Variants in DPP10 observed in about 807,000 individuals in gnomAD.
The protein encoded by DPP10 is dipeptidyl peptidase like 10.
A neutral mutation model predicts 120.9 loss-of-function variants in DPP10; 33 were observed. That is an observed-to-expected ratio of 0.27 (90% CI 0.21 to 0.37). The LOEUF (loss-of-function observed/expected upper bound fraction) is 0.37, where lower values mean the gene tolerates loss of function less well. Among genes scored for constraint, DPP10 ranks in the 10% least tolerant of loss-of-function variants. The pLI, the probability that DPP10 is intolerant of heterozygous loss-of-function variation, is 1.00. For missense variants in DPP10, 816 were observed against 942.8 expected, an observed-to-expected ratio of 0.87 and a Z score of 1.76; for synonymous variants, 337 against 326.1, an observed-to-expected ratio of 1.03 and a Z score of -0.36.
In DPP10 at chr2:114,886,307, T is replaced by C. The variant is rs551795556; in HGVS notation, c.61-422932T>C. 2.0e-5 allele frequency among the ~76,000 whole-genome samples: 3 copies of C among 152,314 alleles called. No individual in the cohort carries two copies. The South Asian group carries it at 6.2e-4, about 32-fold the overall frequency. Reference sequence around the variant, plus strand: ...TACATTTCAAGTAAAAAACAGGTCATCCAAAGCATCCTTTATGTCAGACAC... The same window carrying C: ...TACATTTCAAGTAAAAAACAGGTCACCCAAAGCATCCTTTATGTCAGACAC... On this transcript the variant is annotated intron_variant, in intron 1 of 25. Coordinates refer to ENST00000410059, the MANE Select transcript of DPP10 (RefSeq NM_020868.6).
intron 1 of DPP10, among the ~76,000 whole-genome samples, chr2:115,097,695 G>C (rs1231236694): frequency 1.3e-5 from 2 of 152,170 alleles, no homozygotes; most frequent in Non-Finnish European, 2.9e-5. Context: ...CTCTTCCTAG[G>C]ATAGAATATA....
chr2:115,254,737 C>G (rs551628489), intron 1 of DPP10, among the ~76,000 whole-genome samples: 1 of 151,724 alleles, frequency 6.6e-6, no homozygotes, highest in Non-Finnish European at 1.5e-5. Context: ...AGGCCCCACG[C>G]AAGTCTGAAA....
chr2:115,083,511 C>T (rs1232324057), intron 1 of DPP10, among the ~76,000 whole-genome samples: 1 of 152,182 alleles, frequency 6.6e-6, no homozygotes, highest in Non-Finnish European at 1.5e-5. Flanking sequence ...TGCCTCCCTC[C>T]TCATTATATT....
At chr2:115,691,157 A>G (rs1465066266) in intron 7 of DPP10, among the ~76,000 whole-genome samples, 1 of 151,654 alleles carries the variant, frequency 6.6e-6, no homozygotes, top group Non-Finnish European at 1.5e-5. Context: ...TGTTCTGGAT[A>G]TTAATACATT....
intron 3 of DPP10, among the ~76,000 whole-genome samples, chr2:115,431,694 A>T (rs2071000220): frequency 6.6e-6 from 1 of 152,196 alleles, no homozygotes; most frequent in African/African-American, 2.4e-5. Context: ...GTCTAACCGA[A>T]TCACTTTTCT....
chr2:115,218,648 G>A (rs1206366768), intron 1 of DPP10, among the ~76,000 whole-genome samples: 1 of 152,040 alleles, frequency 6.6e-6, no homozygotes, highest in Non-Finnish European at 1.5e-5. Context: ...TGCTGTGAGT[G>A]AAATGTGTGG....
chr2:114,638,439 T>A (rs1695462077), intron 1 of DPP10, among the ~76,000 whole-genome samples: 1 of 151,562 alleles, frequency 6.6e-6, no homozygotes, highest in African/African-American at 2.4e-5. Flanking sequence ...AAAAAACAAA[T>A]AATCCCATCA....
At chr2:115,470,449 A>G (rs192551343) in intron 3 of DPP10, among the ~76,000 whole-genome samples, 79 of 152,296 alleles carry the variant, frequency 5.2e-4, no homozygotes, top group Non-Finnish European at 4.7e-4. Context: ...TAGCATATGA[A>G]CAAGTAGATG....
intron 10 of DPP10, chr2:115,750,244 A>G (rs1260130562): frequency 6.2e-6 from 6 of 975,298 alleles, no homozygotes; most frequent in Non-Finnish European, 7.3e-6. Flanking sequence ...AATACTTATG[A>G]GTAAGCAAGA....
At chr2:115,379,597 T>G (rs2066127712) in intron 3 of DPP10, among the ~76,000 whole-genome samples, 1 of 152,098 alleles carries the variant, frequency 6.6e-6, no homozygotes, top group South Asian at 2.1e-4. Context: ...TCTGCTAGCT[T>G]TTGAATGTGT....
intron 19 of DPP10, among the ~76,000 whole-genome samples, chr2:115,801,692 A>G (rs1685259271): frequency 6.6e-6 from 1 of 152,062 alleles, no homozygotes; most frequent in Non-Finnish European, 1.5e-5. Flanking sequence ...TGAGATAATA[A>G]TGTGATTTTT....
intron 1 of DPP10, among the ~76,000 whole-genome samples, chr2:114,968,269 A>G (rs1699172094): frequency 1.3e-5 from 2 of 152,164 alleles, no homozygotes; most frequent in Non-Finnish European, 2.9e-5. Context: ...GCAGAAAAAA[A>G]TTTATTCAGT....
intron 5 of DPP10, among the ~76,000 whole-genome samples, chr2:115,688,236 G>T (rs1360685878): frequency 6.6e-6 from 1 of 152,148 alleles, no homozygotes; most frequent in East Asian, 1.9e-4. Context: ...AGATTTAATA[G>T]TTATTCCAAA....
chr2:114,509,464 A>G (rs1267013101), intron 1 of DPP10, among the ~76,000 whole-genome samples: 1 of 152,220 alleles, frequency 6.6e-6, no homozygotes, highest in Non-Finnish European at 1.5e-5. Context: ...TAATTTGTAT[A>G]AGGTTACATG....
At chr2:114,544,524 G>T (rs1687213706) in intron 1 of DPP10, among the ~76,000 whole-genome samples, 1 of 152,168 alleles carries the variant, frequency 6.6e-6, no homozygotes, top group Non-Finnish European at 1.5e-5. Flanking sequence ...GTCTGAAGAA[G>T]GTGATATTGT....
At chr2:115,189,242 A>G (rs1432671555) in intron 1 of DPP10, among the ~76,000 whole-genome samples, 1 of 152,180 alleles carries the variant, frequency 6.6e-6, no homozygotes, top group Non-Finnish European at 1.5e-5. Flanking sequence ...TGGACCACAC[A>G]GTCTAAGCTA....
At chr2:115,443,284 C>G (rs1177352331) in intron 3 of DPP10, among the ~76,000 whole-genome samples, 1 of 152,138 alleles carries the variant, frequency 6.6e-6, no homozygotes, top group Non-Finnish European at 1.5e-5. Flanking sequence ...AGCAAATACC[C>G]TCTCCAGACT....
intron 1 of DPP10, among the ~76,000 whole-genome samples, chr2:115,242,425 G>T (rs2058330028): frequency 6.6e-6 from 1 of 152,048 alleles, no homozygotes; most frequent in Admixed American, 6.6e-5. Context: ...GGGCATTTGG[G>T]CTCGTTCCAT....
At chr2:114,753,908 C>CAAAA (rs777798352) in intron 1 of DPP10, among the ~76,000 whole-genome samples, 40 of 33,750 alleles carry the variant, frequency 1.2e-3, no homozygotes, top group Middle Eastern at 0.023. Flanking sequence ...GACTCCTTCT[C>CAAAA]AAAAAAAAAA....
Sources: gnomAD v4.1 joint callset for allele counts (sites outside exome capture counted in the v4.1 genomes callset) on GRCh38, gnomAD v4.1.1 for gene constraint, MANE v1.5 for transcripts, NCBI Gene and HGNC (gene_info 2026-07-23, HGNC 2026-07-21) for gene names.